Variants in PAH observed in about 807,000 individuals in gnomAD.
PAH encodes the protein phenylalanine hydroxylase, also known as phenylalanine-4-hydroxylase.
PAH carries 64 observed loss-of-function variants against 62.0 expected under a neutral mutation model. The ratio of observed to expected loss-of-function variants is 1.03; its 90% confidence interval spans 0.84 to 1.27. PAH has a LOEUF of 1.27. Ranked by LOEUF, PAH falls within the 50% of genes most tolerant of loss-of-function variation. The pLI is 0.00. For synonymous variants in PAH, 195 were observed against 196.2 expected (o/e 0.99, Z 0.05); for missense variants, 579 against 542.8 (o/e 1.07, Z -0.66).
chr12:102,958,029 G>A, intron 1 of PAH: 1 of 393,568 alleles, frequency 2.5e-6, no homozygotes, highest in Middle Eastern at 6.5e-4. Flanking sequence ...CGTGCAGGGA[G>A]GAGAAAAAGC....
upstream of PAH, among the ~76,000 whole-genome samples, chr12:102,920,529 G>A (rs1048875968): frequency 1.6e-4 from 24 of 152,288 alleles, 1 homozygote; most frequent in African/African-American, 5.5e-4. Context: ...ATCTTCATGT[G>A]CAGAAGGTTG....
At chr12:102,859,929 T>C (rs944928303) in intron 5 of PAH, among the ~76,000 whole-genome samples, 2 of 152,232 alleles carry the variant, frequency 1.3e-5, no homozygotes, top group African/African-American at 4.8e-5. Context: ...AAGACAGGGA[T>C]GCCCTCTCTC....
chr12:102,924,547 GAATT>G (rs1878637272), intron 1 of PAH, among the ~76,000 whole-genome samples: 1 of 152,100 alleles, frequency 6.6e-6, no homozygotes, highest in Non-Finnish European at 1.5e-5. Flanking sequence ...TCAGACAGCA[GAATT>G]ATTTATTGTC....
chr12:102,848,782 G>A (rs1309445007), intron 8 of PAH, among the ~76,000 whole-genome samples: 5 of 151,460 alleles, frequency 3.3e-5, no homozygotes, highest in Admixed American at 3.3e-4. Flanking sequence ...TGGAGAGGTA[G>A]AGGGTAAACA....
At chr12:102,862,835 T>C (rs1875787758) in intron 5 of PAH, among the ~76,000 whole-genome samples, 1 of 152,154 alleles carries the variant, frequency 6.6e-6, no homozygotes, top group Non-Finnish European at 1.5e-5. Context: ...ACAGTCTTTG[T>C]TATTGTCTAC....
chr12:102,877,281 G>A (rs2136678726), intron 4 of PAH, 181 bp downstream of exon 4: 1 of 661,108 alleles, frequency 1.5e-6, no homozygotes. Context: ...TAATGACCAT[G>A]ATAATGATGA....
At chr12:102,916,395 G>T (rs3828473) in intron 1 of PAH, among the ~76,000 whole-genome samples, 1 of 151,998 alleles carries the variant, frequency 6.6e-6, no homozygotes, top group Non-Finnish European at 1.5e-5. Flanking sequence ...TCACATTAAA[G>T]AATGTATTCT....
At chr12:102,851,807 G>A (rs773828440) in intron 7 of PAH, 51 bp from the exon 8 acceptor site, 34 of 1,379,058 alleles carry the variant, frequency 2.5e-5, no homozygotes, top group Non-Finnish European at 3.4e-5. Flanking sequence ...TTTAAGCCAA[G>A]CCAGACTCAG....
chr12:102,875,292 A>G (rs1460545433), intron 4 of PAH, among the ~76,000 whole-genome samples: 1 of 152,168 alleles, frequency 6.6e-6, no homozygotes, highest in Non-Finnish European at 1.5e-5. Context: ...GCTGCTTTGG[A>G]GGGGACTTGA....
chr12:102,868,258 T>C (rs949629806), intron 4 of PAH, among the ~76,000 whole-genome samples: 1 of 148,880 alleles, frequency 6.7e-6, no homozygotes, highest in Non-Finnish European at 1.5e-5. Flanking sequence ...TATAATGTAA[T>C]TTGTTCTGAG....
chr12:102,870,822 A>G (rs1159581937), intron 4 of PAH, among the ~76,000 whole-genome samples: 2 of 152,214 alleles, frequency 1.3e-5, no homozygotes, highest in East Asian at 3.9e-4. Context: ...ACTTGCAAAC[A>G]GTAGACTAGG....
At chr12:102,935,673 G>A (rs1178276651) in intron 1 of PAH, among the ~76,000 whole-genome samples, 3 of 151,896 alleles carry the variant, frequency 2.0e-5, no homozygotes, top group Non-Finnish European at 4.4e-5. Flanking sequence ...TTCCAATTTA[G>A]TGGTGTACAG....
At chr12:102,916,331 G>A (rs1376707347) in intron 1 of PAH, among the ~76,000 whole-genome samples, 2 of 152,090 alleles carry the variant, frequency 1.3e-5, no homozygotes, top group Non-Finnish European at 2.9e-5. Flanking sequence ...TGGGCTTTAT[G>A]ACTGAATCTC....
chr12:102,885,604 G>A (rs1877005408), intron 3 of PAH, among the ~76,000 whole-genome samples: 1 of 152,164 alleles, frequency 6.6e-6, no homozygotes, highest in African/African-American at 2.4e-5. Flanking sequence ...CCACGTAGTG[G>A]TCCCATTAAG....
chr12:102,920,150 T>TA (rs1878517198), upstream of PAH, among the ~76,000 whole-genome samples: 2 of 152,054 alleles, frequency 1.3e-5, no homozygotes. Context: ...ATCGCTTCTT[T>TA]AAAAAAAATT....
At chr12:102,937,644 T>C (rs988933011) in intron 1 of PAH, among the ~76,000 whole-genome samples, 1 of 152,178 alleles carries the variant, frequency 6.6e-6, no homozygotes, top group African/African-American at 2.4e-5. Context: ...GTTGTTGTTG[T>C]AGTTATTATT....
At chr12:102,903,873 C>G (rs1055216211) in intron 2 of PAH, among the ~76,000 whole-genome samples, 6 of 152,098 alleles carry the variant, frequency 3.9e-5, no homozygotes, top group Non-Finnish European at 8.8e-5. Flanking sequence ...GTAAGGTGAA[C>G]AGTGTACTTC....
At chr12:102,918,170 T>C (rs765735505), upstream of PAH, among the ~76,000 whole-genome samples, 90 of 152,152 alleles carry the variant, frequency 5.9e-4, 2 homozygotes, top group South Asian at 1.0e-3. Context: ...ATTTGGCCAG[T>C]GGTCTTCAAA....
intron 1 of PAH, among the ~76,000 whole-genome samples, chr12:102,923,774 A>G (rs73393516): frequency 0.032 from 4,808 of 152,300 alleles, 264 homozygotes; most frequent in African/African-American, 0.11. Flanking sequence ...GATTTCCCAG[A>G]GGTTTTTCAA....
Sources: allele counts gnomAD v4.1 joint callset (sites outside exome capture counted in the v4.1 genomes callset), GRCh38; gene constraint gnomAD v4.1.1; transcripts MANE v1.5; gene names NCBI Gene and HGNC (gene_info 2026-07-23, HGNC 2026-07-21).